FUT8: variants seen among roughly 807,000 people sequenced by gnomAD.
The protein encoded by FUT8 is alpha-(1,6)-fucosyltransferase.
In FUT8, 29 loss-of-function variants were observed where a neutral mutation model predicts 71.3. That is an observed-to-expected ratio of 0.41 (90% CI 0.30 to 0.55). The LOEUF (loss-of-function observed/expected upper bound fraction) is 0.55, where lower values mean the gene tolerates loss of function less well. Ranked by LOEUF, FUT8 falls within the 20% of genes least tolerant of loss-of-function variation. The pLI, the probability that FUT8 is intolerant of heterozygous loss-of-function variation, is 0.34. For missense variants in FUT8, 544 were observed against 702.1 expected (o/e 0.77, Z 2.55); for synonymous variants, 254 against 239.3 (o/e 1.06, Z -0.57).
intron 2 of FUT8, among the ~76,000 whole-genome samples, chr14:65,531,295 C>G (rs973655176): frequency 6.6e-6 from 1 of 151,912 alleles, no homozygotes; most frequent in Non-Finnish European, 1.5e-5. Context: ...TTAGTGCTTA[C>G]AATATTTGAG....
chr14:65,432,426 TCCCA>T, intron 1 of FUT8, among the ~76,000 whole-genome samples: 1 of 151,678 alleles, frequency 6.6e-6, no homozygotes. Context: ...GGCTTTTCCT[TCCCA>T]TTATCCAAAC....
intron 2 of FUT8, among the ~76,000 whole-genome samples, chr14:65,478,863 G>A (rs2066286971): frequency 6.6e-6 from 1 of 152,142 alleles, no homozygotes; most frequent in Admixed American, 6.5e-5. Context: ...CCTAATTGAT[G>A]AATCATTCTT....
chr14:65,567,588 T>A (rs1232859674), intron 3 of FUT8, among the ~76,000 whole-genome samples: 2 of 151,964 alleles, frequency 1.3e-5, no homozygotes, highest in East Asian at 3.9e-4. Context: ...TAGATTGGAA[T>A]GTGTACAGCA....
chr14:65,597,712 A>AT (rs3837619), intron 3 of FUT8, among the ~76,000 whole-genome samples: 53,593 of 151,304 alleles, frequency 0.35, 11,790 homozygotes, highest in Non-Finnish European at 0.5. Flanking sequence ...GTGTAACAGA[A>AT]TTTTTTTTTG....
chr14:65,626,263 G>C (rs1025188750), intron 5 of FUT8, among the ~76,000 whole-genome samples: 2 of 151,502 alleles, frequency 1.3e-5, no homozygotes, highest in African/African-American at 4.8e-5. Flanking sequence ...TTACTATTTT[G>C]TGTGTATTTT....
At chr14:65,361,548 G>A in the FUT8 span, among the ~76,000 whole-genome samples, 1 of 152,122 alleles carries the variant, frequency 6.6e-6, no homozygotes, top group South Asian at 2.1e-4. Context: ...AGCACTTTGG[G>A]AGGCTGAGGC....
At chr14:65,737,081 A>AC (rs902733977) in intron 10 of FUT8, among the ~76,000 whole-genome samples, 39 of 152,040 alleles carry the variant, frequency 2.6e-4, no homozygotes, top group African/African-American at 8.7e-4. Flanking sequence ...ATGTCATGGG[A>AC]CCTTAATCGG....
At chr14:65,634,973 C>T (rs1339219595) in intron 6 of FUT8, among the ~76,000 whole-genome samples, 1 of 152,090 alleles carries the variant, frequency 6.6e-6, no homozygotes, top group African/African-American at 2.4e-5. Flanking sequence ...ACATGGGATG[C>T]GTTTCCATTT....
intron 2 of FUT8, among the ~76,000 whole-genome samples, chr14:65,532,392 A>C (rs374439160): frequency 6.6e-6 from 1 of 152,130 alleles, no homozygotes; most frequent in East Asian, 1.9e-4. Flanking sequence ...GTGTTGATCA[A>C]TGTTGGGCTT....
intron 6 of FUT8, among the ~76,000 whole-genome samples, chr14:65,654,744 G>C (rs1193659335): frequency 1.3e-5 from 2 of 151,724 alleles, no homozygotes; most frequent in Non-Finnish European, 2.9e-5. Flanking sequence ...GGAGAAATGG[G>C]AACAACAAAA....
intron 10 of FUT8, among the ~76,000 whole-genome samples, chr14:65,739,337 A>C (rs1273178800): frequency 6.6e-6 from 1 of 152,054 alleles, no homozygotes; most frequent in Non-Finnish European, 1.5e-5. Flanking sequence ...GGGCCACCTC[A>C]GTGTCTGAAA....
chr14:65,526,344 G>C (rs111536297), intron 2 of FUT8, among the ~76,000 whole-genome samples: 7 of 152,222 alleles, frequency 4.6e-5, no homozygotes, highest in African/African-American at 1.7e-4. Context: ...TTTGATCTTT[G>C]TTGGTTTAAA....
chr14:65,393,430 C>T, the FUT8 span, among the ~76,000 whole-genome samples: 4 of 152,160 alleles, frequency 2.6e-5, no homozygotes, highest in Admixed American at 6.5e-5. Flanking sequence ...TATGTGGAGT[C>T]AGGCTGAGGG....
chr14:65,412,585 A>T (rs1181855948), upstream of FUT8: 6 of 341,192 alleles, frequency 1.8e-5, no homozygotes, highest in South Asian at 1.3e-4. Context: ...TAGGCGGTGG[A>T]TGCTGCTGCT....
At chr14:65,443,581 G>A (rs1031536120) in intron 1 of FUT8, among the ~76,000 whole-genome samples, 1 of 151,510 alleles carries the variant, frequency 6.6e-6, no homozygotes, top group African/African-American at 2.4e-5. Flanking sequence ...TTAGCTGGGT[G>A]TGGTGGTGTG....
chr14:65,457,559 A>G (rs921520099), intron 2 of FUT8, among the ~76,000 whole-genome samples: 1 of 152,176 alleles, frequency 6.6e-6, no homozygotes, highest in Non-Finnish European at 1.5e-5. Context: ...AGTATCGGCA[A>G]GCTACTGCCT....
At chr14:65,498,028 G>A (rs2066587414) in intron 2 of FUT8, among the ~76,000 whole-genome samples, 1 of 152,108 alleles carries the variant, frequency 6.6e-6, no homozygotes, top group Admixed American at 6.6e-5. Context: ...GTTTTGGTCA[G>A]AGTCATTTTA....
At position 65,607,392 on chromosome 14, in the gene FUT8, G is replaced by A. The variant is rs74657560; in HGVS notation, c.204-8586G>A. 0.016 allele frequency among the ~76,000 whole-genome samples: 2,419 copies of A among 151,990 alleles called. 75 individuals are homozygous for A. The highest frequency in any genetic ancestry group is 0.055 in the African/African-American group (2,288 of 41,508). Reference sequence around the variant, plus strand: ...TCCATTCATTCTTTCTTGTTAAGGTGTTTATAATGAATAAGTATTAAATTT... The same window carrying A: ...TCCATTCATTCTTTCTTGTTAAGGTATTTATAATGAATAAGTATTAAATTT... On this transcript the variant is annotated intron_variant, in intron 3 of 10. Transcript: ENST00000673929. This position sits in a 1 kb window ranked among gnomAD's most constrained non-coding sequence, Gnocchi z 4.1.
Position 65,742,228 on chromosome 14 carries a change from C to G in FUT8, c.1546C>G (p.Arg516Gly). The change falls in exon 11 of 11, where the codon CGA (arginine) becomes GGA (glycine). Residue 516 changes from arginine to glycine, a missense_variant. By Grantham distance (125) the Arg-to-Gly change is moderately radical. Coordinates refer to ENST00000673929, the MANE Select transcript of FUT8 (RefSeq NM_001371533.1). ...NQIAIYAHQP[R>G]TADEIPMEPG... ...AATTGCCATTTATGCTCACCAACCC[C>G]GAACTGCAGATGAAATTCCCATGGA... 6.2e-7 allele frequency: 1 copy of G among 1,613,062 alleles called. No individual in the cohort carries two copies. Among genetic ancestry groups the G allele is most frequent in the Non-Finnish European group, 8.5e-7 (1 of 1,179,402 alleles).
Sources: allele counts gnomAD v4.1 joint callset (sites outside exome capture counted in the v4.1 genomes callset), GRCh38; gene constraint gnomAD v4.1.1; non-coding constraint Gnocchi (gnomAD v3.1); transcripts MANE v1.5; gene names NCBI Gene and HGNC (gene_info 2026-07-23, HGNC 2026-07-21).